PACS2: variants seen among roughly 807,000 people sequenced by gnomAD.
PACS2 encodes the protein phosphofurin acidic cluster sorting protein 2.
In PACS2, 36 loss-of-function variants were observed where a neutral mutation model predicts 113.0. The observed-to-expected ratio is 0.32, with a 90% CI of 0.24 to 0.42. PACS2 has a LOEUF of 0.42. Among genes scored for constraint, PACS2 ranks in the 10% least tolerant of loss-of-function variants. The probability of loss-of-function intolerance (pLI) is 1.00; values close to 1 mark genes in which losing one functional copy is unlikely to be tolerated. For missense variants in PACS2, 1,015 were observed against 1,239.5 expected (o/e 0.82, Z 2.72); for synonymous variants, 589 against 536.1 (o/e 1.10, Z -1.36).
At chr14:105,341,242 TTC>T (rs1236779689) in intron 1 of PACS2, among the ~76,000 whole-genome samples, 3 of 152,240 alleles carry the variant, frequency 2.0e-5, no homozygotes, top group South Asian at 2.1e-4. Context: ...TGCCTCTCGC[TTC>T]TCTCTGTCAG....
At chr14:105,373,040 A>T (rs2061214206) in intron 8 of PACS2, 1 of 152,256 alleles carries the variant, frequency 6.6e-6, no homozygotes, top group Non-Finnish European at 1.5e-5. Context: ...AATGAGTAAG[A>T]CTCATACAGT....
intron 1 of PACS2, among the ~76,000 whole-genome samples, chr14:105,339,697 A>AT (rs1342267267): frequency 1.3e-5 from 2 of 150,636 alleles, no homozygotes; most frequent in Non-Finnish European, 3.0e-5. Flanking sequence ...TTCTGTCTCT[A>AT]TTAAAAAAAA....
rs1055408642 is a variant in PACS2, at chr14:105,357,293, C to T, written c.423+2116C>T. Among the ~76,000 whole-genome samples the T allele has an allele frequency of 2.0e-5, 3 of 151,956 alleles. No individual in the cohort carries two copies. Among genetic ancestry groups the T allele is most frequent in the South Asian group, 2.1e-4 (1 of 4,824 alleles). ...CCACCCCAGGTCACACCAGCCACAT[C>T]GTCTGCTGCTTGAAATCCCATCATC... On this transcript the variant is annotated intron_variant, in intron 4 of 24. Transcript: ENST00000447393. The surrounding 1 kb of genome is among the most constrained non-coding windows in gnomAD (Gnocchi z 5.1).
intron 8 of PACS2, chr14:105,370,116 T>G: frequency 2.0e-6 from 1 of 506,980 alleles, no homozygotes; most frequent in Non-Finnish European, 3.5e-6. Flanking sequence ...GTAGAAGTCG[T>G]GAATACCCTG....
chr14:105,312,570 C>T (rs1265946953), upstream of PACS2, among the ~76,000 whole-genome samples: 2 of 152,236 alleles, frequency 1.3e-5, no homozygotes, highest in Admixed American at 6.5e-5. Context: ...AGGGCTCACA[C>T]CATGCCAGGG....
intron 8 of PACS2, 118 bp downstream of exon 8, chr14:105,370,018 G>C: frequency 1.1e-6 from 1 of 882,476 alleles, no homozygotes; most frequent in South Asian, 1.6e-5. Context: ...CCGTCTGCAC[G>C]GCCCCGCCAG....
intron 1 of PACS2, among the ~76,000 whole-genome samples, chr14:105,321,664 ACTT>A (rs1187719295): frequency 1.3e-5 from 2 of 151,766 alleles, no homozygotes; most frequent in African/African-American, 4.8e-5. Context: ...ACGCCCCGTC[ACTT>A]AATATATTTT....
chr14:105,339,272 C>A (rs941793993), intron 1 of PACS2, among the ~76,000 whole-genome samples: 1 of 147,846 alleles, frequency 6.8e-6, no homozygotes, highest in Non-Finnish European at 1.5e-5. Flanking sequence ...TTTGGGAGGT[C>A]AAGGTGGGGG....
At chr14:105,332,057 T>G (rs2059323719) in intron 1 of PACS2, among the ~76,000 whole-genome samples, 1 of 152,244 alleles carries the variant, frequency 6.6e-6, no homozygotes, top group African/African-American at 2.4e-5. Flanking sequence ...CGTTTTTATT[T>G]TGATTTGGTG....
At chr14:105,352,295 G>T in intron 2 of PACS2, 83 bp from the exon 3 acceptor site, 1 of 861,216 alleles carries the variant, frequency 1.2e-6, no homozygotes, top group Middle Eastern at 2.2e-4. Flanking sequence ...GCCAGTTTTA[G>T]AGTGCAGGAG....
At chr14:105,390,838 A>G (rs892473384) in intron 20 of PACS2, 3 of 327,256 alleles carry the variant, frequency 9.2e-6, no homozygotes, top group Non-Finnish European at 1.7e-5. Flanking sequence ...CGGTAGATCT[A>G]CGTAGCCGCC....
At chr14:105,349,130 T>G (rs782106649) in intron 2 of PACS2, among the ~76,000 whole-genome samples, 1 of 151,190 alleles carries the variant, frequency 6.6e-6, no homozygotes, top group Non-Finnish European at 1.5e-5. Flanking sequence ...CGCCCCCTCC[T>G]TGGGGTAGAG....
At chr14:105,322,049 T>G (rs1298364418) in intron 1 of PACS2, among the ~76,000 whole-genome samples, 1 of 151,852 alleles carries the variant, frequency 6.6e-6, no homozygotes, top group Non-Finnish European at 1.5e-5. Context: ...GCGATTCTCC[T>G]GCCTCAGCCT....
At chr14:105,367,957 A>G (rs2060998972) in intron 5 of PACS2, 117 bp from the exon 6 acceptor site, 2 of 728,428 alleles carry the variant, frequency 2.7e-6, no homozygotes, top group Non-Finnish European at 5.0e-6. Context: ...TCTGTCCTGC[A>G]TGGATCCACC....
intron 24 of PACS2, 169 bp downstream of exon 24, chr14:105,393,504 C>G (rs1231220106): frequency 4.3e-6 from 2 of 467,766 alleles, no homozygotes; most frequent in Non-Finnish European, 7.4e-6. Context: ...TGACAACCTT[C>G]CAAATGCTGA....
At chr14:105,345,132 C>T (rs189774941) in intron 1 of PACS2, among the ~76,000 whole-genome samples, 106 of 149,672 alleles carry the variant, frequency 7.1e-4, no homozygotes, top group Middle Eastern at 3.6e-3. Flanking sequence ...TCTGGCTGGG[C>T]GCAGTGGCTC....
In PACS2 at chr14:105,307,486, C is replaced by T. The variant is rs115795916; in HGVS notation, c.-83+6507C>T. Reference sequence around the variant, plus strand: ...TGTCCTGACTGGCCCTGGGTGCTTCCCCACGTGCCCCTCCTCCTGGGAACT... The same window carrying T: ...TGTCCTGACTGGCCCTGGGTGCTTCTCCACGTGCCCCTCCTCCTGGGAACT... On this transcript the variant is annotated intron_variant, in intron 1 of 23. Transcript: ENST00000430725. 8.4e-3 allele frequency among the ~76,000 whole-genome samples: 1,283 copies of T among 152,302 alleles called. 25 individuals carry two copies. Among genetic ancestry groups the T allele is most frequent in the African/African-American group, 0.029 (1,220 of 41,550 alleles).
At chr14:105,339,509 TA>T (rs112048576) in intron 1 of PACS2, among the ~76,000 whole-genome samples, 2,592 of 111,520 alleles carry the variant, frequency 0.023, 59 homozygotes, top group African/African-American at 0.064. Context: ...TCTGTCTCTA[TA>T]AAAAAAAAAA....
At chr14:105,331,663 TG>T (rs2059307602) in intron 1 of PACS2, among the ~76,000 whole-genome samples, 1 of 152,262 alleles carries the variant, frequency 6.6e-6, no homozygotes, top group South Asian at 2.1e-4. Context: ...GTGAAAGGCC[TG>T]TTGACATTTA....
Sources: gnomAD v4.1 joint callset for allele counts (sites outside exome capture counted in the v4.1 genomes callset) on GRCh38, gnomAD v4.1.1 for gene constraint, Gnocchi (gnomAD v3.1) non-coding constraint, MANE v1.5 for transcripts, NCBI Gene and HGNC (gene_info 2026-07-23, HGNC 2026-07-21) for gene names.